Variants in PRKG2 observed in about 807,000 individuals in gnomAD.
The protein encoded by PRKG2 is cGMP-dependent protein kinase 2.
Under a neutral mutation model 97.2 loss-of-function variants are expected in PRKG2, and 33 were observed. The observed-to-expected ratio is 0.34, with a 90% CI of 0.26 to 0.45. The LOEUF is 0.45. Ranked by LOEUF, PRKG2 falls within the 20% of genes least tolerant of loss-of-function variation. The pLI is 1.00. For synonymous variants in PRKG2, 330 were observed against 321.8 expected (o/e 1.03, Z -0.27); for missense variants, 638 against 900.0 (o/e 0.71, Z 3.73).
chr4:81,202,770 T>A (rs1228821770), intron 2 of PRKG2, among the ~76,000 whole-genome samples: 2 of 152,092 alleles, frequency 1.3e-5, no homozygotes, highest in East Asian at 1.9e-4. Flanking sequence ...TAATAATTTA[T>A]CCTTAAATAA....
At chr4:81,173,973 T>C (rs1037656212) in intron 3 of PRKG2, 8 of 152,094 alleles carry the variant, frequency 5.3e-5, no homozygotes, top group African/African-American at 1.7e-4. Context: ...CAAAAAGTTG[T>C]GCCAGAATGT....
chr4:81,199,467 G>A lies in PRKG2; in HGVS notation c.461+5120C>T, dbSNP rs1018477350. On this transcript the variant is annotated intron_variant, in intron 2 of 18. Transcript: ENST00000264399. ...ATGAATAGAGCAGAATCTGGACAGC[G>A]GGTTTTCTGATTTTGAATTCTGTTT... 2.6e-5 allele frequency among the ~76,000 whole-genome samples: 4 copies of A among 151,978 alleles called. No homozygotes were observed. In the East Asian group the frequency reaches 5.8e-4, roughly 22 times the overall value.
At chr4:81,093,558 C>T (rs1344869783) in intron 17 of PRKG2, among the ~76,000 whole-genome samples, 1 of 152,162 alleles carries the variant, frequency 6.6e-6, no homozygotes, top group Non-Finnish European at 1.5e-5. Context: ...TTCCTTTTCT[C>T]TGTGCCCCAG....
intron 8 of PRKG2, among the ~76,000 whole-genome samples, chr4:81,150,132 G>T (rs180777546): frequency 6.6e-6 from 1 of 152,126 alleles, no homozygotes; most frequent in East Asian, 1.9e-4. Flanking sequence ...TCTAGAAATA[G>T]ACATAAGCAT....
chr4:81,205,795 G>A (rs1286194309), intron 1 of PRKG2, among the ~76,000 whole-genome samples: 2 of 152,156 alleles, frequency 1.3e-5, no homozygotes, highest in African/African-American at 4.8e-5. Flanking sequence ...TAACATTGGT[G>A]TAGTGTGGGA....
At chr4:81,188,350 A>G (rs892715849) in intron 2 of PRKG2, among the ~76,000 whole-genome samples, 42 of 149,360 alleles carry the variant, frequency 2.8e-4, no homozygotes, top group Non-Finnish European at 5.7e-4. Context: ...TTAGAATGGC[A>G]ATCATTAAAA....
upstream of PRKG2, among the ~76,000 whole-genome samples, chr4:81,217,170 T>C (rs536364868): frequency 3.1e-4 from 47 of 151,694 alleles, no homozygotes; most frequent in African/African-American, 1.1e-3. Flanking sequence ...TTACATTTCA[T>C]TGAGTCCTGG....
At chr4:81,194,661 G>A (rs1010851715) in intron 2 of PRKG2, among the ~76,000 whole-genome samples, 2 of 152,116 alleles carry the variant, frequency 1.3e-5, no homozygotes, top group African/African-American at 4.8e-5. Context: ...AAAGAGCAGG[G>A]TTTAACAATG....
At chr4:81,165,808 C>T (rs777205278) in intron 6 of PRKG2, among the ~76,000 whole-genome samples, 3 of 151,976 alleles carry the variant, frequency 2.0e-5, no homozygotes, top group African/African-American at 4.8e-5. Flanking sequence ...GCTATAAATA[C>T]GTCTAATTTA....
chr4:81,141,672 A>G (rs114757699), intron 11 of PRKG2, among the ~76,000 whole-genome samples: 1,627 of 152,364 alleles, frequency 0.011, 36 homozygotes, highest in African/African-American at 0.037. Flanking sequence ...GTTTGCCATT[A>G]GTGCTGCCCA....
chr4:81,209,694 A>G (rs1469387409), intron 1 of PRKG2, among the ~76,000 whole-genome samples: 2 of 152,170 alleles, frequency 1.3e-5, no homozygotes, highest in Non-Finnish European at 2.9e-5. Flanking sequence ...TACTATTATT[A>G]TTACATTTAA....
At chr4:81,136,128 A>T (rs892446375) in intron 13 of PRKG2, among the ~76,000 whole-genome samples, 2 of 152,168 alleles carry the variant, frequency 1.3e-5, no homozygotes, top group African/African-American at 4.8e-5. Flanking sequence ...ACGCTAATGC[A>T]TTTGCAGGTA....
intron 14 of PRKG2, among the ~76,000 whole-genome samples, chr4:81,116,801 G>C (rs1744574618): frequency 6.9e-6 from 1 of 144,088 alleles, no homozygotes; most frequent in Non-Finnish European, 1.5e-5. Context: ...ATGCTTGTTG[G>C]CCACATGTAT....
intron 17 of PRKG2, among the ~76,000 whole-genome samples, chr4:81,093,351 T>C (rs973781809): frequency 7.2e-6 from 1 of 138,522 alleles, no homozygotes; most frequent in African/African-American, 2.9e-5. Context: ...ATTGAAACTC[T>C]CCCCCACCAA....
intron 17 of PRKG2, among the ~76,000 whole-genome samples, chr4:81,103,533 A>G (rs1415062925): frequency 6.6e-6 from 1 of 152,200 alleles, no homozygotes; most frequent in Non-Finnish European, 1.5e-5. Flanking sequence ...AATTATATTT[A>G]AAATAAATAT....
intron 7 of PRKG2, among the ~76,000 whole-genome samples, chr4:81,152,600 C>T (rs900320720): frequency 6.6e-6 from 1 of 152,134 alleles, no homozygotes; most frequent in African/African-American, 2.4e-5. Flanking sequence ...AAGAACCCCC[C>T]ACCCAGCAGG....
At chr4:81,167,920 T>C (rs1199197763) in intron 5 of PRKG2, among the ~76,000 whole-genome samples, 2 of 152,012 alleles carry the variant, frequency 1.3e-5, no homozygotes, top group African/African-American at 2.4e-5. Flanking sequence ...CAACAACTGC[T>C]TTCTCTTCCC....
At chr4:81,130,092 T>C (rs1746017400) in intron 14 of PRKG2, among the ~76,000 whole-genome samples, 1 of 152,100 alleles carries the variant, frequency 6.6e-6, no homozygotes, top group Admixed American at 6.5e-5. Flanking sequence ...GTTTTGGGAA[T>C]TTTCAGCCTT....
chr4:81,137,551 G>T, intron 12 of PRKG2, 69 bp from the exon 13 acceptor site: 1 of 1,220,128 alleles, frequency 8.2e-7, no homozygotes, highest in South Asian at 1.2e-5. Context: ...AAGTTGCTTA[G>T]AACTATCATC....
Sources: gnomAD v4.1 joint callset for allele counts (sites outside exome capture counted in the v4.1 genomes callset) on GRCh38, gnomAD v4.1.1 for gene constraint, MANE v1.5 for transcripts, NCBI Gene and HGNC (gene_info 2026-07-23, HGNC 2026-07-21) for gene names.